IFNAR2: variants seen among roughly 807,000 people sequenced by gnomAD.
IFNAR2 encodes interferon alpha and beta receptor subunit 2.
IFNAR2 carries 30 observed loss-of-function variants against 49.4 expected under a neutral mutation model. The ratio of observed to expected loss-of-function variants is 0.61; its 90% CI spans 0.45 to 0.82. The LOEUF (loss-of-function observed/expected upper bound fraction) is 0.82, where lower values mean the gene tolerates loss of function less well. IFNAR2 is among the 40% of genes least tolerant of loss of function. The pLI is 0.00. For missense variants in IFNAR2, 600 were observed against 622.7 expected (o/e 0.96, Z 0.39); for synonymous variants, 224 against 234.5 (o/e 0.96, Z 0.41).
chr21:33,249,668 A>G (rs1184592409), intron 6 of IFNAR2, among the ~76,000 whole-genome samples: 7 of 152,140 alleles, frequency 4.6e-5, no homozygotes, highest in Non-Finnish European at 8.8e-5. Flanking sequence ...TAGCCCTCCA[A>G]ATGCTGGAAT....
rs776491145 is a variant in IFNAR2 at position 33,264,410 on chromosome 21, G to A, written c.*910G>A. On this transcript the variant is annotated 3_prime_UTR_variant, in exon 9 of 9. Transcript: ENST00000342136. ...ATTCCACCTTGTCCAGCCCTCCCCA[G>A]TTAAAGTGGGGAAGACAGACTTTAG... 1.3e-5 allele frequency: 2 copies of A among 151,798 alleles called. No individual in the cohort carries two copies. Among genetic ancestry groups the A allele is most frequent in the Non-Finnish European group, 2.9e-5 (2 of 68,002 alleles). The allele number at this position is 151,798 out of a possible 1,614,324, so 9.4% of individuals were successfully genotyped here.
intron 8 of IFNAR2, among the ~76,000 whole-genome samples, chr21:33,262,406 G>C (rs1988661454): frequency 1.3e-5 from 2 of 150,638 alleles, no homozygotes; most frequent in Non-Finnish European, 3.0e-5. Flanking sequence ...ACCTCATAGA[G>C]CAGTTGCAAG....
In IFNAR2 at chr21:33,230,644, G is replaced by C. The variant is rs566353699; in HGVS notation, c.-84+428G>C. ...GCTCACCAGCTGGGTGCTCAGGTTC[G>C]GGATCTCCAGCCCGCCCCCTTGAGG... On this transcript the variant is annotated intron_variant, in intron 1 of 8. Transcript: ENST00000342136. The surrounding 1 kb of genome is among the most constrained non-coding windows in gnomAD (Gnocchi z 5.5). 2 of 467,326 alleles carry C rather than the reference G, an allele frequency of 4.3e-6. No individual in the cohort carries two copies. The highest frequency in any genetic ancestry group is 2.4e-5 in the Admixed American group (1 of 42,204). 28.9% of individuals were successfully genotyped at this position (467,326 alleles called of 1,614,324 possible).
At chr21:33,246,219 C>T (rs567645289) in intron 4 of IFNAR2, among the ~76,000 whole-genome samples, 205 of 152,154 alleles carry the variant, frequency 1.3e-3, no homozygotes, top group African/African-American at 4.4e-3. Context: ...TACAGGCGCC[C>T]GCCACCACGC....
chr21:33,248,952 A>C, intron 6 of IFNAR2, 98 bp downstream of exon 6: 5 of 877,108 alleles, frequency 5.7e-6, no homozygotes, highest in Non-Finnish European at 8.8e-6. Flanking sequence ...TGAACAATTA[A>C]AGCTAAAACG....
intron 1 of IFNAR2, among the ~76,000 whole-genome samples, chr21:33,239,039 A>G (rs934120382): frequency 5.9e-5 from 9 of 152,174 alleles, no homozygotes; most frequent in African/African-American, 2.2e-4. Flanking sequence ...ATTCTCACAC[A>G]TTGCAGGTGG....
At chr21:33,244,850 T>G (rs1005380147) in intron 3 of IFNAR2, 101 bp from the exon 4 acceptor site, 4 of 1,120,764 alleles carry the variant, frequency 3.6e-6, no homozygotes, top group African/African-American at 1.6e-5. Flanking sequence ...AGAGGTTATC[T>G]GCCAGAGGTG....
Position 33,263,527 on chromosome 21 carries a change from C to T in IFNAR2, c.*27C>T. The T allele has an allele frequency of 6.4e-7, 1 of 1,570,512 alleles. No individual in the cohort carries two copies. The highest frequency in any genetic ancestry group is 8.6e-7 in the Non-Finnish European group (1 of 1,159,992). On this transcript the variant is annotated 3_prime_UTR_variant, in exon 9 of 9. Coordinates refer to ENST00000342136, the MANE Select transcript of IFNAR2 (RefSeq NM_001289125.3). Reference sequence around the variant, plus strand: ...TCCAAAACTATTGAATGAACTTGGACAGACAAGCACCTACAGGGTTCTTTG... The same window carrying T: ...TCCAAAACTATTGAATGAACTTGGATAGACAAGCACCTACAGGGTTCTTTG...
chr21:33,247,246 C>CTTTTT lies in IFNAR2; in HGVS notation c.394+359_394+360insTTTTT, dbSNP rs71194830. Among the ~76,000 whole-genome samples, 201 of 101,208 alleles carry CTTTTT rather than the reference C, an allele frequency of 2.0e-3. 3 individuals are homozygous for CTTTTT. The highest frequency in any genetic ancestry group is 2.3e-3 in the Non-Finnish European group (112 of 48,842). The allele number at this position is 101,208 out of a possible 152,430, so 66.4% of individuals were successfully genotyped here. ...GGCCCAGGATTTTCTTTCTTTCTTT[C>CTTTTT]TTTCTTTCTTTTTTTTTTTTTTTGA... On this transcript the variant is annotated intron_variant, in intron 5 of 8. Coordinates refer to ENST00000342136, the MANE Select transcript of IFNAR2 (RefSeq NM_001289125.3).
At chr21:33,250,951 T>A (rs1212273198) in intron 6 of IFNAR2, among the ~76,000 whole-genome samples, 1 of 152,182 alleles carries the variant, frequency 6.6e-6, no homozygotes, top group Admixed American at 6.5e-5. Context: ...TTGGGACATG[T>A]TAAATTCCAG....
chr21:33,265,645 C>T lies in IFNAR2; in HGVS notation c.*2145C>T. On this transcript the variant is annotated 3_prime_UTR_variant, in exon 9 of 9. Transcript: ENST00000342136. Reference sequence around the variant, plus strand: ...TGGAGGTTGGTAAAAAGTAACACAACAGTACTTTTTTAATACAAACTTGGT... The same window carrying T: ...TGGAGGTTGGTAAAAAGTAACACAATAGTACTTTTTTAATACAAACTTGGT... 4.5e-6 allele frequency: 1 copy of T among 220,526 alleles called. No homozygotes were observed. The highest frequency in any genetic ancestry group is 9.4e-6 in the Non-Finnish European group (1 of 106,146). 13.7% of individuals were successfully genotyped at this position (220,526 alleles called of 1,614,324 possible). A position where few individuals can be genotyped will look rare whatever the true frequency, so the allele number is the denominator to read the frequency against.
intron 4 of IFNAR2, among the ~76,000 whole-genome samples, chr21:33,245,894 A>G (rs1987362727): frequency 6.6e-6 from 1 of 152,130 alleles, no homozygotes; most frequent in Non-Finnish European, 1.5e-5. Flanking sequence ...TTGGTAGATG[A>G]GATATCTGCA....
intron 7 of IFNAR2, among the ~76,000 whole-genome samples, chr21:33,253,371 T>C (rs918213351): frequency 6.6e-6 from 1 of 152,182 alleles, no homozygotes; most frequent in Non-Finnish European, 1.5e-5. Context: ...TCCCAAACCT[T>C]CTTCCCCTTT....
At position 33,230,628 on chromosome 21, in the gene IFNAR2, C is replaced by T; in HGVS notation, c.-84+412C>T. 2.1e-6 allele frequency: 1 copy of T among 469,594 alleles called. No homozygotes were observed. Among genetic ancestry groups the T allele is most frequent in the South Asian group, 1.6e-5 (1 of 64,360 alleles). The allele number at this position is 469,594 out of a possible 1,614,324, so 29.1% of individuals were successfully genotyped here. ...CCGCCTTGCAAAACCGGCTCACCAG[C>T]TGGGTGCTCAGGTTCGGGATCTCCA... is the stretch of plus-strand genomic sequence containing the variant. On this transcript the variant is annotated intron_variant, in intron 1 of 8. Coordinates refer to ENST00000342136, the MANE Select transcript of IFNAR2 (RefSeq NM_001289125.3). This position sits in a 1 kb window ranked among gnomAD's most constrained non-coding sequence, Gnocchi z 5.5.
In IFNAR2 at chr21:33,260,690, G is replaced by A. The variant is rs918622040; in HGVS notation, c.803G>A (p.Gly268Asp). The A allele has an allele frequency of 6.3e-7, 1 of 1,579,474 alleles. No individual in the cohort carries two copies. The highest frequency in any genetic ancestry group is 8.6e-7 in the Non-Finnish European group (1 of 1,167,756). ...ACCATAGTGACACTGAAATGGATTG[G>A]TTATATATGCTTAAGAAATAGCCTC... is the stretch of plus-strand genomic sequence containing the variant. ...TSTIVTLKWI[G>D]YICLRNSLPK... Residue 268 changes from glycine (G) to aspartate (D), a missense_variant, in exon 8 of 9, where the codon GGT (glycine) becomes GAT (aspartate). By Grantham distance (94) the Gly-to-Asp change is moderately conservative. Coordinates refer to ENST00000342136, the MANE Select transcript of IFNAR2 (RefSeq NM_001289125.3).
intron 2 of IFNAR2, 113 bp downstream of exon 2, chr21:33,242,090 C>A (rs1228657067): frequency 3.4e-6 from 3 of 893,394 alleles, no homozygotes; most frequent in Non-Finnish European, 5.1e-6. Context: ...GACCCAGTAC[C>A]ACCCTGCCTA....
At position 33,262,987 on chromosome 21, in the gene IFNAR2, G is replaced by T; in HGVS notation, c.1035G>T (p.Arg345Ser). The part of the protein sequence containing the change: ...GGYTMHGLTV[R>S]PLGQASATST... Reference sequence around the variant, plus strand: ...ATACCATGCATGGACTGACTGTCAGGCCTCTGGGTCAGGCCTCTGCCACCT... The same window carrying T: ...ATACCATGCATGGACTGACTGTCAGTCCTCTGGGTCAGGCCTCTGCCACCT... The change falls in exon 9 of 9, where the codon AGG (arginine) becomes AGT (serine). Residue 345 changes from arginine to serine, a missense_variant. By Grantham distance (110) the Arg-to-Ser change is moderately radical (BLOSUM62 -1). Transcript: ENST00000342136. 6.2e-7 allele frequency: 1 copy of T among 1,614,168 alleles called. No homozygotes were observed. Among genetic ancestry groups the T allele is most frequent in the Non-Finnish European group, 8.5e-7 (1 of 1,180,020 alleles).
intron 1 of IFNAR2, chr21:33,234,670 T>C: frequency 2.3e-6 from 1 of 438,924 alleles, no homozygotes; most frequent in African/African-American, 2.5e-5. Flanking sequence ...ATTGGCAGGG[T>C]TTGTCTGGTC....
chr21:33,246,046 T>C (rs1987372413), intron 4 of IFNAR2, among the ~76,000 whole-genome samples: 1 of 151,576 alleles, frequency 6.6e-6, no homozygotes, highest in South Asian at 2.1e-4. Context: ...GGCCCAAGTT[T>C]CATTCATTCA....
Sources: allele counts gnomAD v4.1 joint callset (sites outside exome capture counted in the v4.1 genomes callset), GRCh38; gene constraint gnomAD v4.1.1; non-coding constraint Gnocchi (gnomAD v3.1); transcripts MANE v1.5; gene names NCBI Gene and HGNC (gene_info 2026-07-23, HGNC 2026-07-21).